ROBO1: variants seen among roughly 807,000 people sequenced by gnomAD.
ROBO1 encodes the protein roundabout homolog 1.
Under a neutral mutation model 195.9 loss-of-function variants are expected in ROBO1, and 149 were observed. The ratio of observed to expected loss-of-function variants is 0.76; its 90% CI spans 0.67 to 0.87. ROBO1 has a LOEUF of 0.87. Among genes scored for constraint, ROBO1 ranks in the 40% least tolerant of loss-of-function variants. ROBO1 has a pLI of 0.00. For missense variants in ROBO1, 1,933 were observed against 2,068.3 expected, an observed-to-expected ratio of 0.93 and a Z score of 1.27; for synonymous variants, 816 against 733.2, an observed-to-expected ratio of 1.11 and a Z score of -1.82.
At chr3:78,776,240 T>C (rs2083501130) in intron 4 of ROBO1, among the ~76,000 whole-genome samples, 1 of 79,986 alleles carries the variant, frequency 1.3e-5, no homozygotes, top group African/African-American at 3.6e-5. Context: ...GAAGAAATTC[T>C]TATTTATTTA....
chr3:79,707,543 C>G lies in ROBO1; in HGVS notation c.-51+60209G>C, dbSNP rs544148300. Among the ~76,000 whole-genome samples the G allele has an allele frequency of 2.2e-4, 34 of 152,256 alleles. 1 individual carries two copies. The South Asian group carries it at 6.6e-3, about 30-fold the overall frequency. On this transcript the variant is annotated intron_variant, in intron 1 of 30. Coordinates refer to ENST00000464233, the MANE Select transcript of ROBO1 (RefSeq NM_002941.4). ...TTTGTTTCTGAGACAGAGTCTTGCT[C>G]TGTTGCCCAGGCTAGAGTGCAGTGG...
intron 1 of ROBO1, among the ~76,000 whole-genome samples, chr3:79,620,042 C>A (rs1413647705): frequency 1.3e-5 from 2 of 152,196 alleles, no homozygotes; most frequent in South Asian, 2.1e-4. Context: ...ACCTAAGATG[C>A]AATGGTTAGG....
At chr3:79,760,070 C>A (rs1323518513) in intron 1 of ROBO1, among the ~76,000 whole-genome samples, 4 of 151,308 alleles carry the variant, frequency 2.6e-5, no homozygotes, top group Non-Finnish European at 5.9e-5. Flanking sequence ...AACCCTATCT[C>A]TACTAAAAAT....
chr3:79,680,224 C>T (rs6786660), intron 1 of ROBO1, among the ~76,000 whole-genome samples: 42,329 of 151,700 alleles, frequency 0.28, 6,745 homozygotes, highest in African/African-American at 0.45. Flanking sequence ...TCTTAGCTCA[C>T]TGGCCAGAGC....
At chr3:79,725,462 G>A (rs1702882981) in intron 1 of ROBO1, among the ~76,000 whole-genome samples, 1 of 151,918 alleles carries the variant, frequency 6.6e-6, no homozygotes, top group East Asian at 2.0e-4. Context: ...TCCTGACCTC[G>A]TGATCCGCCC....
chr3:79,054,191 T>C (rs1237890556), intron 3 of ROBO1, among the ~76,000 whole-genome samples: 11 of 152,130 alleles, frequency 7.2e-5, no homozygotes, highest in Admixed American at 7.2e-4. Context: ...CTGATACTTA[T>C]GCCCAATTAA....
At chr3:78,717,734 A>G (rs116506278) in intron 6 of ROBO1, 29 bp downstream of exon 6, 542 of 1,604,996 alleles carry the variant, frequency 3.4e-4, no homozygotes, top group Non-Finnish European at 4.4e-4. Context: ...CTATTTTTCA[A>G]TGAGAAGATT....
intron 2 of ROBO1, among the ~76,000 whole-genome samples, chr3:79,416,990 C>T (rs1441205244): frequency 1.3e-5 from 2 of 152,070 alleles, no homozygotes; most frequent in Admixed American, 6.6e-5. Flanking sequence ...CAAACTCTGA[C>T]GTTTGAGAGG....
At chr3:79,642,319 A>C (rs2106677202) in intron 1 of ROBO1, among the ~76,000 whole-genome samples, 1 of 152,244 alleles carries the variant, frequency 6.6e-6, no homozygotes, top group Non-Finnish European at 1.5e-5. Flanking sequence ...ATTAGTATTC[A>C]AGGGGGACTT....
rs530356354 is a variant in ROBO1 at position 79,552,767 on chromosome 3, G to T, written c.88+37057C>A. On this transcript the variant is annotated intron_variant, in intron 2 of 30. Transcript: ENST00000464233. ...TTCGGTTTGTTAGGCTTCAGTTCCT[G>T]CCTGGAAGTGTTAAATCCCAAGAAA... is the stretch of plus-strand genomic sequence containing the variant. Among the ~76,000 whole-genome samples the T allele has an allele frequency of 5.2e-4, 79 of 152,174 alleles. 1 individual carries two copies. The South Asian group carries it at 0.016, about 31-fold the overall frequency.
chr3:79,232,107 G>A (rs936252704), intron 2 of ROBO1, among the ~76,000 whole-genome samples: 1 of 151,910 alleles, frequency 6.6e-6, no homozygotes, highest in South Asian at 2.1e-4. Flanking sequence ...CGGATACTAG[G>A]CTTAATACTT....
At chr3:79,060,801 G>A (rs570041952) in intron 3 of ROBO1, among the ~76,000 whole-genome samples, 7 of 151,950 alleles carry the variant, frequency 4.6e-5, no homozygotes, top group Admixed American at 1.3e-4. Flanking sequence ...ATTCAACAGC[G>A]CTTTATGCTA....
chr3:79,333,465 C>A (rs982145559), intron 2 of ROBO1, among the ~76,000 whole-genome samples: 2 of 151,904 alleles, frequency 1.3e-5, no homozygotes, highest in African/African-American at 2.4e-5. Context: ...ATCAAGCATG[C>A]GTAACCATGT....
At chr3:79,421,929 G>T (rs1269932545) in intron 2 of ROBO1, among the ~76,000 whole-genome samples, 1 of 151,670 alleles carries the variant, frequency 6.6e-6, no homozygotes, top group African/African-American at 2.4e-5. Context: ...AGGATTCAGG[G>T]CCATATTTAT....
intron 3 of ROBO1, among the ~76,000 whole-genome samples, chr3:79,083,008 T>C (rs1036565000): frequency 2.0e-5 from 3 of 152,188 alleles, no homozygotes; most frequent in African/African-American, 4.8e-5. Flanking sequence ...GAAATGGCTC[T>C]AGTTTACTCT....
chr3:79,477,370 G>C (rs1938598062), intron 2 of ROBO1, among the ~76,000 whole-genome samples: 1 of 152,008 alleles, frequency 6.6e-6, no homozygotes, highest in Non-Finnish European at 1.5e-5. Context: ...CTTTTGCTTG[G>C]GAAATTCCCA....
chr3:79,338,697 T>C (rs1338750989), intron 2 of ROBO1, among the ~76,000 whole-genome samples: 1 of 152,162 alleles, frequency 6.6e-6, no homozygotes, highest in Non-Finnish European at 1.5e-5. Flanking sequence ...CTTCTCAGCT[T>C]CTCAAATTCT....
chr3:79,504,028 A>G (rs1940260456), intron 2 of ROBO1, among the ~76,000 whole-genome samples: 1 of 152,180 alleles, frequency 6.6e-6, no homozygotes, highest in African/African-American at 2.4e-5. Context: ...CTGTCTTTTT[A>G]TAAACTCACA....
At chr3:78,902,456 G>A (rs142543784) in intron 4 of ROBO1, among the ~76,000 whole-genome samples, 36 of 152,070 alleles carry the variant, frequency 2.4e-4, no homozygotes, top group African/African-American at 7.7e-4. Flanking sequence ...ACAAAGAATA[G>A]CTTTTAAGTA....
Sources: gnomAD v4.1 joint callset for allele counts (sites outside exome capture counted in the v4.1 genomes callset) on GRCh38, gnomAD v4.1.1 for gene constraint, MANE v1.5 for transcripts, NCBI Gene and HGNC (gene_info 2026-07-23, HGNC 2026-07-21) for gene names.